The following NWD1 variants were observed in gnomAD, a reference collection of about 807,000 sequenced individuals.
The protein encoded by NWD1 is NACHT and WD repeat domain containing 1.
NWD1 carries 129 observed loss-of-function variants against 135.1 expected under a neutral mutation model. The observed-to-expected ratio is 0.96, with a 90% CI of 0.83 to 1.11. NWD1 has a LOEUF of 1.11. NWD1 is among the 50% of genes least tolerant of loss of function. The pLI, the probability that NWD1 is intolerant of heterozygous loss-of-function variation, is 0.00. For missense variants in NWD1, 1,740 were observed against 1,851.3 expected (o/e 0.94, Z 1.10); for synonymous variants, 773 against 786.0 (o/e 0.98, Z 0.28).
At chr19:16,804,045 C>T (rs542142624) in intron 17 of NWD1, among the ~76,000 whole-genome samples, 1 of 152,260 alleles carries the variant, frequency 6.6e-6, no homozygotes, top group South Asian at 2.1e-4. Context: ...TTCAGGTTAC[C>T]TAGAAGCTGA....
At chr19:16,764,902 T>A (rs1341808647) in intron 9 of NWD1, 132 bp from the exon 10 acceptor site, 3 of 972,148 alleles carry the variant, frequency 3.1e-6, no homozygotes, top group Non-Finnish European at 3.1e-6. Flanking sequence ...CCACAGAGAA[T>A]GATCCTGCCC....
At chr19:16,758,610 G>A (rs1369225100) in intron 6 of NWD1, among the ~76,000 whole-genome samples, 1 of 152,098 alleles carries the variant, frequency 6.6e-6, no homozygotes, top group African/African-American at 2.4e-5. Context: ...GCCTTGGTGG[G>A]CCAGGGTGGA....
chr19:16,729,172 C>T (rs1180052234), intron 2 of NWD1, among the ~76,000 whole-genome samples: 7 of 151,898 alleles, frequency 4.6e-5, no homozygotes, highest in Admixed American at 4.6e-4. Flanking sequence ...GAGTGGCATA[C>T]GATGTTACAA....
intron 15 of NWD1, 45 bp from the exon 16 acceptor site, chr19:16,797,687 C>T (rs749245087): frequency 1.7e-5 from 26 of 1,567,100 alleles, no homozygotes; most frequent in Non-Finnish European, 2.3e-5. Flanking sequence ...GACCCTCAAT[C>T]TCCTCTGGAC....
intron 18 of NWD1, among the ~76,000 whole-genome samples, chr19:16,809,959 C>A (rs577091426): frequency 6.6e-6 from 1 of 152,246 alleles, no homozygotes; most frequent in African/African-American, 2.4e-5. Flanking sequence ...TTCTATCTGC[C>A]TGGTCACAGG....
In NWD1 at chr19:16,753,508, C is replaced by A. The variant is rs924680410; in HGVS notation, c.1769+3097C>A. On this transcript the variant is annotated intron_variant, in intron 6 of 18. Transcript: ENST00000524140. ...GTGAGAGCTTTGCTCTTGGAGCAGA[C>A]CTGAGATCCTTCTAGGCTAGAGGTC... is the stretch of plus-strand genomic sequence containing the variant. Among the ~76,000 whole-genome samples, 3 of 152,232 alleles carry A rather than the reference C, an allele frequency of 2.0e-5. No homozygotes were observed. The East Asian group carries it at 5.8e-4, about 29-fold the overall frequency.
chr19:16,731,335 T>C (rs1967554053), intron 3 of NWD1, 57 bp downstream of exon 3: 3 of 1,050,950 alleles, frequency 2.9e-6, no homozygotes, highest in Admixed American at 4.1e-5. Context: ...GACACGTAGT[T>C]CTTGCTCTGT....
chr19:16,765,253 T>A, intron 10 of NWD1, 61 bp downstream of exon 10: 1 of 1,480,336 alleles, frequency 6.8e-7, no homozygotes, highest in Non-Finnish European at 9.3e-7. Flanking sequence ...AGAAACATGC[T>A]CTCCTCATTG....
intron 18 of NWD1, among the ~76,000 whole-genome samples, chr19:16,814,721 C>G (rs1971017256): frequency 6.6e-6 from 1 of 152,190 alleles, no homozygotes; most frequent in African/African-American, 2.4e-5. Context: ...CAGTTCACAA[C>G]CTCTCTTCCT....
chr19:16,744,879 T>C, intron 5 of NWD1, 161 bp downstream of exon 5: 1 of 676,806 alleles, frequency 1.5e-6, no homozygotes, highest in Middle Eastern at 3.9e-4. Flanking sequence ...GTTTTACTGA[T>C]CCAAGATAGT....
At chr19:16,797,987 T>C in intron 16 of NWD1, 101 bp downstream of exon 16, 7 of 1,124,232 alleles carry the variant, frequency 6.2e-6, no homozygotes, top group Non-Finnish European at 9.1e-6. Flanking sequence ...CCCACAAAAA[T>C]GAGTGCAGGC....
chr19:16,794,422 A>T (rs762814388), intron 14 of NWD1, 41 bp from the exon 15 acceptor site: 1 of 1,168,858 alleles, frequency 8.6e-7, no homozygotes, highest in Non-Finnish European at 1.3e-6. Flanking sequence ...GTAACCCTTA[A>T]CCCGTGGAAG....
intron 12 of NWD1, 35 bp from the exon 13 acceptor site, chr19:16,788,947 G>A: frequency 6.6e-7 from 1 of 1,524,794 alleles, no homozygotes; most frequent in Non-Finnish European, 9.1e-7. Context: ...AATGTTCCCA[G>A]CTAATATACT....
intron 17 of NWD1, among the ~76,000 whole-genome samples, chr19:16,804,205 G>C (rs921620746): frequency 6.6e-6 from 1 of 152,156 alleles, no homozygotes; most frequent in Admixed American, 6.6e-5. Flanking sequence ...ATTCCATGGG[G>C]AGCCCTGGAA....
At chr19:16,742,766 G>T (rs1256282859) in intron 4 of NWD1, among the ~76,000 whole-genome samples, 5 of 151,334 alleles carry the variant, frequency 3.3e-5, no homozygotes, top group African/African-American at 1.2e-4. Flanking sequence ...CGCCTCCAGG[G>T]TTCAAGCGAT....
At position 16,797,850 on chromosome 19, in the gene NWD1, C is replaced by G. The variant is rs775368397; in HGVS notation, c.3423C>G (p.Asn1141Lys). The stretch of plus-strand genomic sequence containing the variant: ...CGGCTGTTTTTGGTACTGAGAACAA[C>G]CTGATCATCACGGGGTCCCTTGATG... ...VETAVFGTEN[N>K]LIITGSLDAL... The change falls in exon 16 of 19, where the codon AAC becomes AAG. Residue 1141 changes from asparagine to lysine, a missense_variant. Coordinates refer to ENST00000524140, the MANE Select transcript of NWD1 (RefSeq NM_001007525.5). The G allele has an allele frequency of 6.2e-7, 1 of 1,613,942 alleles. No individual in the cohort carries two copies. Among genetic ancestry groups the G allele is most frequent in the Non-Finnish European group, 8.5e-7 (1 of 1,179,962 alleles).
At chr19:16,741,843 G>C (rs911522840) in intron 4 of NWD1, among the ~76,000 whole-genome samples, 6 of 152,136 alleles carry the variant, frequency 3.9e-5, no homozygotes, top group Admixed American at 1.3e-4. Context: ...GGGCCCGGTG[G>C]CTCCTGCCTG....
intron 6 of NWD1, among the ~76,000 whole-genome samples, chr19:16,752,590 A>G (rs182673410): frequency 1.1e-3 from 165 of 152,262 alleles, no homozygotes; most frequent in Admixed American, 1.7e-3. Context: ...GCAGTAAGCC[A>G]TAATTGTGCC....
At chr19:16,772,539 G>C (rs1029370851) in intron 10 of NWD1, among the ~76,000 whole-genome samples, 1 of 152,142 alleles carries the variant, frequency 6.6e-6, no homozygotes, top group African/African-American at 2.4e-5. Context: ...CCAGCTATTA[G>C]GGAGGCTGAG....
Sources: allele counts gnomAD v4.1 joint callset (sites outside exome capture counted in the v4.1 genomes callset), GRCh38; gene constraint gnomAD v4.1.1; transcripts MANE v1.5; gene names NCBI Gene and HGNC (gene_info 2026-07-23, HGNC 2026-07-21).